The following NUTM1 variants were observed in gnomAD, a reference collection of about 807,000 sequenced individuals.
The protein encoded by NUTM1 is NUT midline carcinoma family member 1.
In NUTM1, 39 loss-of-function variants were observed where a neutral mutation model predicts 88.7. That is an observed-to-expected ratio of 0.44 (90% CI 0.34 to 0.57). The LOEUF is 0.57. Ranked by LOEUF, NUTM1 falls within the 20% of genes least tolerant of loss-of-function variation. The pLI is 0.01. For synonymous variants in NUTM1, 494 were observed against 538.0 expected, an observed-to-expected ratio of 0.92 and a Z score of 1.13; for missense variants, 1,350 against 1,414.5, an observed-to-expected ratio of 0.95 and a Z score of 0.73.
In NUTM1 at chr15:34,355,873, C is replaced by T; in HGVS notation, c.1865C>T (p.Ser622Phe). Residue 622 changes from serine (S) to phenylalanine (F), a missense_variant, in exon 8 of 8, where the codon TCT (serine) becomes TTT (phenylalanine). Ser to Phe is a radical substitution (Grantham distance 155). This residue lies in a region of NUTM1 where 730 missense variants were observed against 728.8 expected (regional missense o/e 1.00). Transcript: ENST00000537011. The surrounding 1 kb of genome is among the most constrained non-coding windows in gnomAD (Gnocchi z 4.3). ...RGSGKVINQV[S>F]LHQDGHLGGA... ...TCTGGGAAGGTTATAAACCAGGTAT[C>T]TCTACATCAGGATGGCCATCTAGGA... 6.2e-7 allele frequency: 1 copy of T among 1,613,898 alleles called. No individual in the cohort carries two copies. Among genetic ancestry groups the T allele is most frequent in the African/African-American group, 1.3e-5 (1 of 75,044 alleles).
In NUTM1 at chr15:34,355,439, C is replaced by T; in HGVS notation, c.1480-49C>T. ...CCGTCTTGTGCCACCCACTCAGCCACCTCTTTCACAACCACGTATAGAACT... is the reference window on the plus strand; with the variant it reads ...CCGTCTTGTGCCACCCACTCAGCCATCTCTTTCACAACCACGTATAGAACT... On this transcript the variant is annotated intron_variant, in intron 7 of 7. Coordinates refer to ENST00000537011, the MANE Select transcript of NUTM1 (RefSeq NM_001284292.2). This position sits in a 1 kb window ranked among gnomAD's most constrained non-coding sequence, Gnocchi z 4.3. 5.6e-6 allele frequency: 9 copies of T among 1,605,214 alleles called. No homozygotes were observed. Among genetic ancestry groups the T allele is most frequent in the Non-Finnish European group, 7.7e-6 (9 of 1,174,410 alleles).
intron 5 of NUTM1, 87 bp from the exon 6 acceptor site, chr15:34,354,359 A>T: frequency 7.2e-7 from 1 of 1,383,352 alleles, no homozygotes; most frequent in Non-Finnish European, 1.0e-6. Flanking sequence ...TCTCCTGTCC[A>T]TCTCTTACCT....
chr15:34,346,905 A>AAAAAAAAAAAG (rs1566887569), intron 2 of NUTM1, among the ~76,000 whole-genome samples: 1 of 149,820 alleles, frequency 6.7e-6, no homozygotes. Flanking sequence ...AAAAAAAAAA[A>AAAAAAAAAAAG]AAGCAGCACT....
Position 34,343,701 on chromosome 15 carries a change from T to A in NUTM1, c.5T>A (p.Val2Glu), listed in dbSNP as rs746128662. Residue 2 changes from valine to glutamate, a missense_variant and splice_region_variant, in exon 1 of 8, where the codon GTG (valine) becomes GAG (glutamate). Coordinates refer to ENST00000537011, the MANE Select transcript of NUTM1 (RefSeq NM_001284292.2). ...GCAAATTCAGCGCTCTTTCTTATGG[T>A]GGTGAGTAGCTAATAATAACGTAAT... M[V>E]VTLGPGPDCL... 8 of 1,534,026 alleles carry A rather than the reference T, an allele frequency of 5.2e-6. No homozygotes were observed. Among genetic ancestry groups the A allele is most frequent in the Non-Finnish European group, 7.0e-6 (8 of 1,145,402 alleles).
In NUTM1 at chr15:34,356,881, C is replaced by G; in HGVS notation, c.2873C>G (p.Pro958Arg). 6.2e-7 allele frequency: 1 copy of G among 1,613,008 alleles called. No individual in the cohort carries two copies. Among genetic ancestry groups the G allele is most frequent in the Non-Finnish European group, 8.5e-7 (1 of 1,179,872 alleles). The change falls in exon 8 of 8, where the codon CCC becomes CGC. Residue 958 changes from proline to arginine, a missense_variant. Around this residue, in one of 5 missense-constraint regions of NUTM1, gnomAD observed 730 missense variants for 728.8 expected, o/e 1.00. Transcript: ENST00000537011. ...TCPLNVHSYD[P>R]QGEGRVDPDL... Reference sequence around the variant, plus strand: ...CCACTGAATGTTCATTCTTATGACCCCCAAGGAGAAGGCAGGGTGGATCCT... The same window carrying G: ...CCACTGAATGTTCATTCTTATGACCGCCAAGGAGAAGGCAGGGTGGATCCT...
At chr15:34,354,861 A>C in intron 6 of NUTM1, 129 bp downstream of exon 6, 1 of 1,035,306 alleles carries the variant, frequency 9.7e-7, no homozygotes, top group Non-Finnish European at 1.5e-6. Flanking sequence ...ATGTGTGTGC[A>C]TGCATCATCA....
chr15:34,346,019 G>T lies in NUTM1; in HGVS notation c.84G>T (p.Arg28Ser), dbSNP rs765368453. Residue 28 changes from arginine to serine, a missense_variant, in exon 2 of 8, where the codon AGG becomes AGT. Physicochemically the swap from Arg to Ser is moderately radical, Grantham distance 110. Transcript: ENST00000537011. ...CACAGTTAGTGCCCAAACCTGAGAG[G>T]ATGGCTTCAGATGGAGGTAAGTCTG... ...RQPQLVPKPE[R>S]MASDGASALP... The T allele has an allele frequency of 1.2e-6, 2 of 1,614,206 alleles. No homozygotes were observed. Among genetic ancestry groups the T allele is most frequent in the South Asian group, 2.2e-5 (2 of 91,078 alleles).
rs766905213 is a variant in NUTM1, at chr15:34,356,231, G to A, written c.2223G>A (p.Arg741=). The A allele has an allele frequency of 3.1e-6, 5 of 1,606,806 alleles. No individual in the cohort carries two copies. The Admixed American group carries it at 6.7e-5, about 22-fold the overall frequency. Residue 741 remains arginine (R), a synonymous_variant, in exon 8 of 8, where the codon AGG becomes AGA. Transcript: ENST00000537011. ...CTTCCCCTAGAGCAGCTGGGGAGAG[G>A]GACGATGTCTGTCTCAGCCCAGGAG... The part of the protein sequence containing the change: ...QNPSPRAAGE[R]DDVCLSPGVW...
At chr15:34,353,963 C>T in intron 5 of NUTM1, 91 bp downstream of exon 5, 3 of 1,377,222 alleles carry the variant, frequency 2.2e-6, no homozygotes, top group Non-Finnish European at 3.0e-6. Context: ...AGGCATAGCC[C>T]AGGCTCTGCC....
At chr15:34,352,145 C>G (rs1213397295) in intron 4 of NUTM1, among the ~76,000 whole-genome samples, 2 of 151,898 alleles carry the variant, frequency 1.3e-5, no homozygotes, top group Non-Finnish European at 2.9e-5. Context: ...ACTCCAGCCT[C>G]GGCAACAAGA....
chr15:34,354,129 T>G (rs11633776), intron 5 of NUTM1, among the ~76,000 whole-genome samples: 1 of 152,026 alleles, frequency 6.6e-6, no homozygotes, highest in Non-Finnish European at 1.5e-5. Context: ...TAATACCTCA[T>G]CTGCCTAAGA....
At position 34,353,872 on chromosome 15, in the gene NUTM1, G is replaced by A; in HGVS notation, c.1075G>A (p.Val359Met). 1 of 1,613,242 alleles carries A rather than the reference G, an allele frequency of 6.2e-7. No homozygotes were observed. The highest frequency in any genetic ancestry group is 8.5e-7 in the Non-Finnish European group (1 of 1,179,994). The change falls in exon 5 of 8, where the codon GTG (valine) becomes ATG (methionine). Residue 359 changes from valine to methionine, a missense_variant and splice_region_variant. By Grantham distance (21) the Val-to-Met change is conservative (BLOSUM62 1). This residue lies in a region of NUTM1 where 89 missense variants were observed against 76.0 expected (regional missense o/e 1.17). Transcript: ENST00000537011. The part of the protein sequence containing the change: ...PLASEVCQQP[V>M]YIPKKAASKT... ...GGCCTCTGAGGTTTGCCAGCAGCCA[G>A]GTGAGGCTACCCAATTTTGACAGGA...
rs1890808978 is a variant in NUTM1, at chr15:34,356,334, G to A, written c.2326G>A (p.Val776Ile). 1 of 1,613,872 alleles carries A rather than the reference G, an allele frequency of 6.2e-7. No individual in the cohort carries two copies. The highest frequency in any genetic ancestry group is 1.7e-5 in the Admixed American group (1 of 59,948). ...AGAGGAGGTCATAGAGAGCTTCCAA[G>A]TTGAGAAGTGTGTAACTGAGTATCA... The part of the protein sequence containing the change: ...QIEEVIESFQ[V>I]EKCVTEYQEG... The change falls in exon 8 of 8, where the codon GTT becomes ATT. Residue 776 changes from valine (V) to isoleucine (I), a missense_variant. By Grantham distance (29) the Val-to-Ile change is conservative. Transcript: ENST00000537011.
intron 1 of NUTM1, 77 bp downstream of exon 1, chr15:34,343,779 C>G (rs1890530129): frequency 7.9e-7 from 1 of 1,270,414 alleles, no homozygotes; most frequent in South Asian, 1.4e-5. Context: ...TAGAAGTTCT[C>G]CTTATAAGAC....
Position 34,355,558 on chromosome 15 carries a change from C to T in NUTM1, c.1550C>T (p.Ala517Val). 1 of 1,614,162 alleles carries T rather than the reference C, an allele frequency of 6.2e-7. No individual in the cohort carries two copies. The highest frequency in any genetic ancestry group is 8.5e-7 in the Non-Finnish European group (1 of 1,179,976). ...GAGGCGCCTCCAAGTTTCAGTGGCG[C>T]TCAGTTGGACTCAAGTCCTTCTGGT... ...DAEAPPSFSGAQLDSSPSGSV... is the reference protein window; with the variant it reads ...DAEAPPSFSGVQLDSSPSGSV... The change falls in exon 8 of 8, where the codon GCT becomes GTT. Residue 517 changes from alanine to valine, a missense_variant. By Grantham distance (64) the Ala-to-Val change is moderately conservative. Coordinates refer to ENST00000537011, the MANE Select transcript of NUTM1 (RefSeq NM_001284292.2). This position sits in a 1 kb window ranked among gnomAD's most constrained non-coding sequence, Gnocchi z 4.3.
chr15:34,357,459 G>C lies in NUTM1; in HGVS notation c.3451G>C (p.Gly1151Arg), dbSNP rs1890841418. Reference sequence around the variant, plus strand: ...AAGGCGGTGTGACAGTTTTGTCACGGGCAGAAGGAAGAAACGACGTCGTAG... The same window carrying C: ...AAGGCGGTGTGACAGTTTTGTCACGCGCAGAAGGAAGAAACGACGTCGTAG... ...RKRRCDSFVTGRRKKRRRSQ is the reference protein window; with the variant it reads ...RKRRCDSFVTRRRKKRRRSQ Residue 1151 changes from glycine (G) to arginine (R), a missense_variant, in exon 8 of 8, where the codon GGC (glycine) becomes CGC (arginine). Gly to Arg is a moderately radical substitution (Grantham distance 125). Coordinates refer to ENST00000537011, the MANE Select transcript of NUTM1 (RefSeq NM_001284292.2). 18 of 1,613,184 alleles carry C rather than the reference G, an allele frequency of 1.1e-5. No homozygotes were observed. The highest frequency in any genetic ancestry group is 1.4e-5 in the Non-Finnish European group (17 of 1,179,646).
intron 2 of NUTM1, among the ~76,000 whole-genome samples, chr15:34,347,524 C>T (rs1890616122): frequency 6.6e-6 from 1 of 151,664 alleles, no homozygotes; most frequent in Non-Finnish European, 1.5e-5. Flanking sequence ...TCCCAAAGTG[C>T]TGGGATTACA....
chr15:34,349,851 T>G (rs1246796389), intron 3 of NUTM1, among the ~76,000 whole-genome samples: 1 of 152,182 alleles, frequency 6.6e-6, no homozygotes, highest in African/African-American at 2.4e-5. Flanking sequence ...CAGGCTAAAT[T>G]TCAAAATCTT....
At chr15:34,354,772 G>A in intron 6 of NUTM1, 40 bp downstream of exon 6, 1 of 1,603,346 alleles carries the variant, frequency 6.2e-7, no homozygotes, top group Non-Finnish European at 8.5e-7. Context: ...GCAGATCCTT[G>A]GGGTGGGTAC....
Sources: allele counts gnomAD v4.1 joint callset (sites outside exome capture counted in the v4.1 genomes callset), GRCh38; gene constraint gnomAD v4.1.1; regional missense constraint gnomAD v4.1.1; non-coding constraint Gnocchi (gnomAD v3.1); transcripts MANE v1.5; gene names NCBI Gene and HGNC (gene_info 2026-07-23, HGNC 2026-07-21).